The following RYR3 variants were observed in gnomAD, a reference collection of about 807,000 sequenced individuals.
The protein encoded by RYR3 is ryanodine receptor 3.
In RYR3, 207 loss-of-function variants were observed where a neutral mutation model predicts 584.3. The ratio of observed to expected loss-of-function variants is 0.35; its 90% confidence interval spans 0.32 to 0.40. RYR3 has a LOEUF of 0.40. Ranked by LOEUF, RYR3 falls within the 10% of genes least tolerant of loss-of-function variation. The probability of loss-of-function intolerance (pLI) is 1.00; values close to 1 mark genes in which losing one functional copy is unlikely to be tolerated. For missense variants in RYR3, 5,616 were observed against 6,089.2 expected (o/e 0.92, Z 2.59); for synonymous variants, 2,416 against 2,248.5 (o/e 1.07, Z -2.11).
intron 10 of RYR3, among the ~76,000 whole-genome samples, chr15:33,553,260 G>T (rs1431367584): frequency 2.0e-5 from 3 of 152,286 alleles, no homozygotes; most frequent in African/African-American, 7.2e-5. Context: ...GTTTTGGGAG[G>T]ACACTGGGTG....
At chr15:33,457,927 C>T (rs572262197) in intron 1 of RYR3, among the ~76,000 whole-genome samples, 5 of 152,222 alleles carry the variant, frequency 3.3e-5, no homozygotes, top group South Asian at 2.1e-4. Flanking sequence ...TGTCATGGAG[C>T]GGTTTGGGAG....
chr15:33,331,655 AAAAC>A (rs1970392282), intron 1 of RYR3, among the ~76,000 whole-genome samples: 1 of 152,104 alleles, frequency 6.6e-6, no homozygotes, highest in South Asian at 2.1e-4. Flanking sequence ...TTTCAGAAAA[AAAAC>A]AAACCTAAGA....
chr15:33,579,623 CT>C (rs1347405003), intron 12 of RYR3, among the ~76,000 whole-genome samples: 7 of 152,216 alleles, frequency 4.6e-5, no homozygotes, highest in African/African-American at 1.7e-4. Context: ...GAAATTACCT[CT>C]TTAGATTACA....
At chr15:33,858,567 T>TCATCGTCTCTCAGAACAGAGCAAAGTCC (rs2049378874) in intron 99 of RYR3, 1 of 149,732 alleles carries the variant, frequency 6.7e-6, no homozygotes, top group African/African-American at 2.5e-5. Flanking sequence ...TGAGCTTTGA[T>TCATCGTCTCTCAGAACAGAGCAAAGTCC]CATCGTCTCT....
At chr15:33,514,355 G>A (rs2053311059) in intron 3 of RYR3, among the ~76,000 whole-genome samples, 1 of 152,124 alleles carries the variant, frequency 6.6e-6, no homozygotes, top group Non-Finnish European at 1.5e-5. Flanking sequence ...GATGGAGGGT[G>A]GTAGGCAGGA....
At chr15:33,781,784 A>T (rs1453082851) in intron 65 of RYR3, among the ~76,000 whole-genome samples, 6 of 150,170 alleles carry the variant, frequency 4.0e-5, no homozygotes. Flanking sequence ...TATGAAATCT[A>T]TAAGTTAACC....
At chr15:33,853,139 A>G in intron 95 of RYR3, 52 bp downstream of exon 95, 1 of 1,456,130 alleles carries the variant, frequency 6.9e-7, no homozygotes. Flanking sequence ...AATGTGGTGT[A>G]TGTTTTTTAA....
chr15:33,358,228 TA>T (rs1440273789), intron 1 of RYR3, among the ~76,000 whole-genome samples: 1 of 152,164 alleles, frequency 6.6e-6, no homozygotes, highest in African/African-American at 2.4e-5. Context: ...TTTTCCAGGT[TA>T]AGAACAAGCT....
At chr15:33,414,666 G>A (rs775043025) in intron 1 of RYR3, among the ~76,000 whole-genome samples, 20 of 152,100 alleles carry the variant, frequency 1.3e-4, no homozygotes, top group Non-Finnish European at 2.4e-4. Flanking sequence ...GTGCAGTGGC[G>A]TGATCTCAGC....
At chr15:33,661,924 T>TA (rs537154375) in intron 34 of RYR3, among the ~76,000 whole-genome samples, 99 of 152,298 alleles carry the variant, frequency 6.5e-4, no homozygotes, top group African/African-American at 2.3e-3. Flanking sequence ...TCATATTTGG[T>TA]AAACCAGTGT....
intron 1 of RYR3, among the ~76,000 whole-genome samples, chr15:33,382,606 GCCACC>G (rs2041282339): frequency 2.0e-5 from 3 of 152,106 alleles, no homozygotes; most frequent in African/African-American, 7.2e-5. Flanking sequence ...ACAGACATGA[GCCACC>G]GTGCCCACCC....
At chr15:33,801,195 T>A (rs2075899917) in intron 68 of RYR3, among the ~76,000 whole-genome samples, 1 of 152,222 alleles carries the variant, frequency 6.6e-6, no homozygotes, top group African/African-American at 2.4e-5. Context: ...TTCAAAGATT[T>A]TCTGACTGAC....
chr15:33,618,400 C>T (rs1434878840), intron 19 of RYR3, among the ~76,000 whole-genome samples: 2 of 152,124 alleles, frequency 1.3e-5, no homozygotes, highest in African/African-American at 4.8e-5. Flanking sequence ...TTGCTGTGGT[C>T]AATGCTGTGG....
intron 3 of RYR3, among the ~76,000 whole-genome samples, chr15:33,528,951 G>T (rs1453186674): frequency 6.6e-6 from 1 of 152,208 alleles, no homozygotes; most frequent in African/African-American, 2.4e-5. Flanking sequence ...ATCCGTTTGA[G>T]ATGTAGGACT....
chr15:33,840,146 G>A (rs780220595), intron 89 of RYR3, among the ~76,000 whole-genome samples: 6 of 152,188 alleles, frequency 3.9e-5, no homozygotes, highest in Non-Finnish European at 5.9e-5. Flanking sequence ...GGAGGCTTCT[G>A]AAAAGGTGTC....
At chr15:33,527,320 C>G (rs1415491380) in intron 3 of RYR3, among the ~76,000 whole-genome samples, 1 of 152,172 alleles carries the variant, frequency 6.6e-6, no homozygotes, top group Non-Finnish European at 1.5e-5. Flanking sequence ...GTAGCTCACT[C>G]CTGTAATCCC....
At chr15:33,776,928 A>G (rs924168487) in intron 64 of RYR3, among the ~76,000 whole-genome samples, 2 of 152,264 alleles carry the variant, frequency 1.3e-5, no homozygotes, top group Non-Finnish European at 1.5e-5. Flanking sequence ...CCAGTCTGTC[A>G]CCATTGACCA....
Position 33,603,322 on chromosome 15 carries a change from G to A in RYR3, c.2122G>A (p.Asp708Asn), listed in dbSNP as rs758273579. Reference sequence around the variant, plus strand: ...ATGGGGAGGCAATGGTGTTGGTGACGACCTGTACTCCTATGGCTTTGATGG... The same window carrying A: ...ATGGGGAGGCAATGGTGTTGGTGACAACCTGTACTCCTATGGCTTTGATGG... ...EGWGGNGVGDDLYSYGFDGLH... is the reference protein window; with the variant it reads ...EGWGGNGVGDNLYSYGFDGLH... Residue 708 changes from aspartate to asparagine, a missense_variant, in exon 18 of 104, where the codon GAC becomes AAC. Asp to Asn is a conservative substitution (Grantham distance 23). Transcript: ENST00000634891. 5.0e-6 allele frequency: 8 copies of A among 1,612,258 alleles called. No homozygotes were observed. The highest frequency in any genetic ancestry group is 3.3e-5 in the Admixed American group (2 of 59,910).
chr15:33,662,108 G>C (rs760330405), intron 34 of RYR3, 45 bp from the exon 35 acceptor site: 1 of 1,468,290 alleles, frequency 6.8e-7, no homozygotes, highest in Non-Finnish European at 9.1e-7. Flanking sequence ...GATTCTGGTG[G>C]GTTCTTCTCC....
Sources: gnomAD v4.1 joint callset for allele counts (sites outside exome capture counted in the v4.1 genomes callset) on GRCh38, gnomAD v4.1.1 for gene constraint, MANE v1.5 for transcripts, NCBI Gene and HGNC (gene_info 2026-07-23, HGNC 2026-07-21) for gene names.